The following CDH12 variants were observed in gnomAD, a reference collection of about 807,000 sequenced individuals.
The protein encoded by CDH12 is cadherin-12.
CDH12 carries 41 observed loss-of-function variants against 74.1 expected under a neutral mutation model. That is an observed-to-expected ratio of 0.55 (90% confidence interval 0.43 to 0.72). The LOEUF is 0.72. Ranked by LOEUF, CDH12 falls within the 30% of genes least tolerant of loss-of-function variation. The pLI is 0.00. For synonymous variants in CDH12, 399 were observed against 355.0 expected (o/e 1.12, Z -1.39); for missense variants, 945 against 977.2 (o/e 0.97, Z 0.44).
intron 1 of CDH12, among the ~76,000 whole-genome samples, chr5:22,675,654 T>G (rs1002705115): frequency 1.3e-5 from 2 of 151,870 alleles, no homozygotes; most frequent in African/African-American, 4.8e-5. Context: ...GGAGTTTCCC[T>G]GCACAAGCTC....
intron 6 of CDH12, among the ~76,000 whole-genome samples, chr5:21,956,051 TA>T (rs1441915290): frequency 6.6e-6 from 1 of 152,066 alleles, no homozygotes; most frequent in Non-Finnish European, 1.5e-5. Flanking sequence ...TTTTACTCTT[TA>T]AAAATTTAGT....
chr5:22,614,543 T>C (rs961866666), intron 1 of CDH12, among the ~76,000 whole-genome samples: 1 of 151,956 alleles, frequency 6.6e-6, no homozygotes, highest in Admixed American at 6.6e-5. Context: ...GGAAACACAA[T>C]TGGAAAAAGA....
intron 5 of CDH12, among the ~76,000 whole-genome samples, chr5:22,033,266 A>G (rs1738950770): frequency 6.6e-6 from 1 of 152,208 alleles, no homozygotes; most frequent in African/African-American, 2.4e-5. Context: ...GAACAAACCA[A>G]GCAAGGTTGG....
chr5:22,196,801 T>C (rs994367248), intron 4 of CDH12, among the ~76,000 whole-genome samples: 3 of 152,166 alleles, frequency 2.0e-5, no homozygotes, highest in Non-Finnish European at 4.4e-5. Flanking sequence ...CTTTGGGACA[T>C]CACTGTAGCT....
intron 1 of CDH12, among the ~76,000 whole-genome samples, chr5:22,629,556 G>A (rs941566440): frequency 1.3e-5 from 2 of 151,952 alleles, no homozygotes; most frequent in South Asian, 2.1e-4. Flanking sequence ...GATAAGATTC[G>A]ACATACCTTC....
intron 3 of CDH12, among the ~76,000 whole-genome samples, chr5:22,315,143 T>TTTA (rs1554030826): frequency 7.3e-6 from 1 of 136,650 alleles, no homozygotes; most frequent in African/African-American, 2.8e-5. Context: ...TTTTTTTTTT[T>TTTA]AGTAGAGACG....
chr5:22,523,031 C>G (rs966737), intron 1 of CDH12, among the ~76,000 whole-genome samples: 1 of 152,216 alleles, frequency 6.6e-6, no homozygotes, highest in African/African-American at 2.4e-5. Flanking sequence ...AAATTGACTT[C>G]TTAAGGGTTT....
At chr5:21,823,820 C>T (rs565726668) in intron 8 of CDH12, among the ~76,000 whole-genome samples, 92 of 152,116 alleles carry the variant, frequency 6.0e-4, no homozygotes, top group Non-Finnish European at 1.1e-3. Flanking sequence ...TCAAAGGATC[C>T]TACATCAGTG....
intron 3 of CDH12, among the ~76,000 whole-genome samples, chr5:22,261,907 T>C (rs1303985050): frequency 6.6e-6 from 1 of 152,042 alleles, no homozygotes; most frequent in African/African-American, 2.4e-5. Flanking sequence ...CCAATCTCAG[T>C]TTTTTACATA....
At chr5:21,781,069 C>A (rs575921245) in intron 11 of CDH12, among the ~76,000 whole-genome samples, 25 of 152,256 alleles carry the variant, frequency 1.6e-4, no homozygotes, top group African/African-American at 5.8e-4. Flanking sequence ...CCAAGCCTAA[C>A]TGCCCAAAGA....
At chr5:22,276,238 A>G (rs1052696087) in intron 3 of CDH12, among the ~76,000 whole-genome samples, 3 of 152,190 alleles carry the variant, frequency 2.0e-5, no homozygotes, top group Non-Finnish European at 1.5e-5. Flanking sequence ...TATAAGCAGT[A>G]TCTTCGGACA....
chr5:21,934,542 ATTC>A (rs1480379773), intron 6 of CDH12, among the ~76,000 whole-genome samples: 4 of 152,214 alleles, frequency 2.6e-5, no homozygotes, highest in Admixed American at 6.5e-5. Context: ...TAATTAATAA[ATTC>A]TTCTGTTAAA....
At chr5:21,765,726 C>G (rs1204737610) in intron 11 of CDH12, among the ~76,000 whole-genome samples, 1 of 152,054 alleles carries the variant, frequency 6.6e-6, no homozygotes, top group African/African-American at 2.4e-5. Context: ...TTCCTAGTAT[C>G]AGAAAGACTG....
At chr5:21,880,688 T>C (rs188158095) in intron 6 of CDH12, among the ~76,000 whole-genome samples, 27 of 132,754 alleles carry the variant, frequency 2.0e-4, no homozygotes, top group Non-Finnish European at 3.6e-4. Flanking sequence ...TCTTTCTTTC[T>C]TTCTCTTTTC....
chr5:22,048,175 C>G (rs1416941078), intron 5 of CDH12, among the ~76,000 whole-genome samples: 3 of 152,112 alleles, frequency 2.0e-5, no homozygotes, highest in East Asian at 1.9e-4. Flanking sequence ...TCTTTCTCAT[C>G]ATAAGACTGT....
intron 1 of CDH12, among the ~76,000 whole-genome samples, chr5:22,770,728 A>G (rs1229494069): frequency 1.3e-5 from 2 of 152,118 alleles, no homozygotes; most frequent in African/African-American, 2.4e-5. Context: ...ATTTAACTAT[A>G]TGATCCTAGT....
At chr5:22,741,815 G>C (rs1745038639) in intron 1 of CDH12, among the ~76,000 whole-genome samples, 1 of 152,196 alleles carries the variant, frequency 6.6e-6, no homozygotes, top group African/African-American at 2.4e-5. Flanking sequence ...GGTTGGAATA[G>C]ATACTGTGGA....
rs1561149740 is a variant in CDH12 at position 21,751,626 on chromosome 5, G to GTGTT, written c.*110_*111insAACA. The GTGTT allele has an allele frequency of 3.3e-4, 231 of 707,636 alleles. 1 individual carries two copies. The highest frequency in any genetic ancestry group is 6.7e-4 in the East Asian group (24 of 36,076). The allele number at this position is 707,636 out of a possible 1,614,324, so 43.8% of individuals were successfully genotyped here. On this transcript the variant is annotated 3_prime_UTR_variant, in exon 15 of 15. Coordinates refer to ENST00000382254, the MANE Select transcript of CDH12 (RefSeq NM_004061.5). ...TGTCCCAGAGTGTGTGTGTGTGTGT[G>GTGTT]TGTGTTTGTGTGTGTGTGTGTGTGT...
At chr5:22,308,236 T>C (rs1201801199) in intron 3 of CDH12, among the ~76,000 whole-genome samples, 1 of 152,142 alleles carries the variant, frequency 6.6e-6, no homozygotes, top group East Asian at 1.9e-4. Context: ...AGAGATGTTT[T>C]CTAAATTACT....
Sources: allele counts gnomAD v4.1 joint callset (sites outside exome capture counted in the v4.1 genomes callset), GRCh38; gene constraint gnomAD v4.1.1; transcripts MANE v1.5; gene names NCBI Gene and HGNC (gene_info 2026-07-23, HGNC 2026-07-21).